NUDCD3: variants seen among roughly 807,000 people sequenced by gnomAD.
The protein encoded by NUDCD3 is NudC domain containing 3, also known as nudC domain-containing protein 3.
A neutral mutation model predicts 39.7 loss-of-function variants in NUDCD3; 13 were observed. The ratio of observed to expected loss-of-function variants is 0.33; its 90% CI spans 0.21 to 0.52. The LOEUF (loss-of-function observed/expected upper bound fraction) is 0.52. Ranked by LOEUF, NUDCD3 falls within the 20% of genes least tolerant of loss-of-function variation. NUDCD3 has a pLI of 0.96. For missense variants in NUDCD3, 453 were observed against 458.1 expected, an observed-to-expected ratio of 0.99 and a Z score of 0.10; for synonymous variants, 175 against 172.4, an observed-to-expected ratio of 1.02 and a Z score of -0.12.
Position 44,452,180 on chromosome 7 carries a change from C to T in NUDCD3, c.510-24477G>A, listed in dbSNP as rs1275968061. On this transcript the variant is annotated intron_variant, in intron 2 of 5. Transcript: ENST00000355451. ...AGGGATGGCCAGACACAGTGGCTCA[C>T]ACCTGTAATCCCAGCACTTTGGGAG... 2.6e-5 allele frequency among the ~76,000 whole-genome samples: 4 copies of T among 152,346 alleles called. No individual in the cohort carries two copies. The East Asian group carries it at 7.7e-4, about 29-fold the overall frequency.
chr7:44,391,316 C>T (rs1798510828), intron 5 of NUDCD3, among the ~76,000 whole-genome samples: 1 of 152,280 alleles, frequency 6.6e-6, no homozygotes, highest in South Asian at 2.1e-4. Context: ...GGCTCCTTCA[C>T]CTCATAAGAG....
intron 3 of NUDCD3, among the ~76,000 whole-genome samples, chr7:44,405,741 C>T (rs1167939723): frequency 1.3e-5 from 2 of 152,156 alleles, no homozygotes; most frequent in African/African-American, 4.8e-5. Flanking sequence ...TTTAAATATT[C>T]GTAAATAAAA....
At chr7:44,395,357 G>A (rs1798604871) in intron 4 of NUDCD3, among the ~76,000 whole-genome samples, 1 of 152,208 alleles carries the variant, frequency 6.6e-6, no homozygotes, top group Non-Finnish European at 1.5e-5. Context: ...ATTTTATGAG[G>A]AGATGTGAGC....
intron 2 of NUDCD3, among the ~76,000 whole-genome samples, chr7:44,475,576 A>AG (rs565604049): frequency 4.6e-5 from 7 of 152,074 alleles, no homozygotes; most frequent in Non-Finnish European, 8.8e-5. Flanking sequence ...TGGGCAACAC[A>AG]GGGAGTCTCG....
intron 2 of NUDCD3, among the ~76,000 whole-genome samples, chr7:44,437,423 G>T (rs1420221945): frequency 6.6e-6 from 1 of 152,076 alleles, no homozygotes; most frequent in African/African-American, 2.4e-5. Context: ...TCAATAAGTT[G>T]TACCAGAAGT....
chr7:44,395,999 G>A (rs187807652), intron 4 of NUDCD3, among the ~76,000 whole-genome samples: 13 of 152,118 alleles, frequency 8.5e-5, no homozygotes, highest in Admixed American at 2.6e-4. Flanking sequence ...TACTATTTTC[G>A]AAAGCAGCTG....
At chr7:44,472,024 C>CTAAT (rs1278379333) in intron 2 of NUDCD3, 1 of 152,174 alleles carries the variant, frequency 6.6e-6, no homozygotes, top group East Asian at 1.9e-4. Context: ...TGTCTATTGC[C>CTAAT]TAATTAGTAA....
At chr7:44,414,291 T>G (rs1281259598) in intron 3 of NUDCD3, among the ~76,000 whole-genome samples, 1 of 152,068 alleles carries the variant, frequency 6.6e-6, no homozygotes, top group Non-Finnish European at 1.5e-5. Flanking sequence ...TGAGGGATGG[T>G]GGGTTTGGGG....
At chr7:44,469,105 A>T (rs1288155789) in intron 2 of NUDCD3, among the ~76,000 whole-genome samples, 1 of 147,540 alleles carries the variant, frequency 6.8e-6, no homozygotes, top group East Asian at 2.0e-4. Flanking sequence ...CAGTTTTCAA[A>T]CAAACAAACC....
At chr7:44,443,145 C>T (rs1799623501) in intron 2 of NUDCD3, among the ~76,000 whole-genome samples, 1 of 151,966 alleles carries the variant, frequency 6.6e-6, no homozygotes, top group Admixed American at 6.6e-5. Flanking sequence ...TCATGGGAGC[C>T]CTACCTTCTA....
intron 2 of NUDCD3, among the ~76,000 whole-genome samples, chr7:44,438,184 C>T (rs548884274): frequency 6.6e-6 from 1 of 151,776 alleles, no homozygotes; most frequent in African/African-American, 2.4e-5. Context: ...AGTGAGAGAC[C>T]CCCCCATCTC....
chr7:44,490,445 G>A lies in NUDCD3; in HGVS notation c.156C>T (p.Gly52=). Residue 52 remains glycine (G), a synonymous_variant, in exon 1 of 6, where the codon GGC becomes GGT. Coordinates refer to ENST00000355451, the MANE Select transcript of NUDCD3 (RefSeq NM_015332.4). ...AGGCCTGCGCGGCCCCGGGCGGGAA[G>A]CCCATGCGGTCCGATGGGTGGCGCA... is the stretch of plus-strand genomic sequence containing the variant. ...RLLRHPSDRM[G]FPPGAAQALV... 1.3e-6 allele frequency: 2 copies of A among 1,589,408 alleles called. No individual in the cohort carries two copies. Among genetic ancestry groups the A allele is most frequent in the East Asian group, 2.3e-5 (1 of 43,236 alleles).
chr7:44,453,209 G>A (rs930225288), intron 2 of NUDCD3, among the ~76,000 whole-genome samples: 11 of 152,076 alleles, frequency 7.2e-5, no homozygotes, highest in South Asian at 4.2e-4. Context: ...AAAAATTAGC[G>A]GGGCATGGTG....
intron 2 of NUDCD3, chr7:44,468,280 G>C: frequency 2.5e-6 from 4 of 1,587,512 alleles, no homozygotes; most frequent in Non-Finnish European, 2.6e-6. Context: ...CCAATGCCAG[G>C]CTGCGCAGCG....
intron 2 of NUDCD3, among the ~76,000 whole-genome samples, chr7:44,477,437 G>A (rs1800395732): frequency 1.3e-5 from 2 of 152,192 alleles, no homozygotes; most frequent in Admixed American, 6.5e-5. Context: ...AAAAGGAAAA[G>A]CCCAGGACTG....
intron 3 of NUDCD3, among the ~76,000 whole-genome samples, chr7:44,411,102 T>C (rs1053334636): frequency 2.6e-5 from 4 of 152,178 alleles, no homozygotes; most frequent in Non-Finnish European, 4.4e-5. Flanking sequence ...TGCAAAAGAA[T>C]GAAACTGGTC....
intron 2 of NUDCD3, among the ~76,000 whole-genome samples, chr7:44,434,565 C>T (rs548879457): frequency 6.6e-6 from 1 of 152,296 alleles, no homozygotes; most frequent in South Asian, 2.1e-4. Flanking sequence ...GACCCCCCCG[C>T]CCCGCAATAT....
At chr7:44,482,410 T>C (rs889626929) in intron 2 of NUDCD3, among the ~76,000 whole-genome samples, 5 of 152,160 alleles carry the variant, frequency 3.3e-5, no homozygotes, top group African/African-American at 1.2e-4. Flanking sequence ...GTACCCTAGA[T>C]ACAGCTTAAC....
chr7:44,460,350 A>C (rs566143092), intron 2 of NUDCD3, among the ~76,000 whole-genome samples: 1 of 152,360 alleles, frequency 6.6e-6, no homozygotes, highest in Admixed American at 6.5e-5. Context: ...AGCTATCATC[A>C]TAACTGTTTA....
Sources: gnomAD v4.1 joint callset for allele counts (sites outside exome capture counted in the v4.1 genomes callset) on GRCh38, gnomAD v4.1.1 for gene constraint, MANE v1.5 for transcripts, NCBI Gene and HGNC (gene_info 2026-07-23, HGNC 2026-07-21) for gene names.